ASB7: variants seen among roughly 807,000 people sequenced by gnomAD.
ASB7 encodes ankyrin repeat and SOCS box containing 7.
ASB7 carries 4 observed loss-of-function variants against 32.5 expected under a neutral mutation model. The ratio of observed to expected loss-of-function variants is 0.12; its 90% CI spans 0.06 to 0.28. The LOEUF is 0.28. Ranked by LOEUF, ASB7 falls within the 10% of genes least tolerant of loss-of-function variation. The pLI, the probability that ASB7 is intolerant of heterozygous loss-of-function variation, is 1.00. For missense variants in ASB7, 181 were observed against 407.1 expected (o/e 0.44, Z 4.78); for synonymous variants, 172 against 155.6 (o/e 1.11, Z -0.78).
At chr15:100,628,338 C>T (rs1227063360) in intron 4 of ASB7, among the ~76,000 whole-genome samples, 1 of 152,166 alleles carries the variant, frequency 6.6e-6, no homozygotes, top group African/African-American at 2.4e-5. Context: ...ACCTAAATAA[C>T]GTTTATTAAA....
intron 4 of ASB7, among the ~76,000 whole-genome samples, chr15:100,624,655 C>G (rs1438138028): frequency 1.3e-5 from 2 of 152,286 alleles, no homozygotes; most frequent in Non-Finnish European, 2.9e-5. Flanking sequence ...TAAAACTTTT[C>G]ACTGAGAAGA....
chr15:100,620,626 G>A (rs372111254), intron 4 of ASB7, among the ~76,000 whole-genome samples: 26 of 151,590 alleles, frequency 1.7e-4, no homozygotes, highest in Admixed American at 9.8e-4. Context: ...ATAATAGCAC[G>A]TCTGTACAAA....
At chr15:100,603,484 A>G (rs75730036) in intron 2 of ASB7, among the ~76,000 whole-genome samples, 171 bp downstream of exon 2, 3,237 of 145,338 alleles carry the variant, frequency 0.022, 71 homozygotes, top group Non-Finnish European at 0.029. Flanking sequence ...GATACTTAAC[A>G]TTTTATAACT....
chr15:100,634,887 A>G (rs1363086735), intron 5 of ASB7, among the ~76,000 whole-genome samples: 1 of 152,242 alleles, frequency 6.6e-6, no homozygotes. Context: ...TCAGTAACAC[A>G]GTCCAGTGGA....
intron 2 of ASB7, among the ~76,000 whole-genome samples, chr15:100,608,130 T>C (rs12914480): frequency 0.65 from 98,351 of 152,046 alleles, 32,297 homozygotes; most frequent in South Asian, 0.75. Context: ...GAAATGTAGA[T>C]GTAGCTCGTG....
In ASB7 at chr15:100,612,396, A is replaced by G. The variant is rs376567787; in HGVS notation, c.180A>G (p.Glu60=). 34 of 1,614,108 alleles carry G rather than the reference A, an allele frequency of 2.1e-5. No individual in the cohort carries two copies. The highest frequency in any genetic ancestry group is 1.4e-4 in the South Asian group (13 of 91,088). ...ATTTCTCTGCAGCAAGAGGAAAGGA[A>G]AGATGTGTTCGGGTTTTTCTAGAAC... The part of the protein sequence containing the change: ...LLHFSAARGK[E]RCVRVFLEHG... Residue 60 remains glutamate, a synonymous_variant, in exon 4 of 6, where the codon GAA becomes GAG. Coordinates refer to ENST00000332783, the MANE Select transcript of ASB7 (RefSeq NM_198243.3).
intron 2 of ASB7, among the ~76,000 whole-genome samples, chr15:100,607,740 G>A (rs1428220367): frequency 6.6e-6 from 1 of 152,180 alleles, no homozygotes; most frequent in African/African-American, 2.4e-5. Flanking sequence ...CCCTATCACT[G>A]TGCCACGTTA....
chr15:100,603,259 C>T lies in ASB7; in HGVS notation c.-228C>T, dbSNP rs974902627. The T allele has an allele frequency of 3.4e-5, 12 of 355,638 alleles. No individual in the cohort carries two copies. Among genetic ancestry groups the T allele is most frequent in the Non-Finnish European group, 5.5e-5 (11 of 199,882 alleles). The allele number at this position is 355,638 out of a possible 1,614,324, so 22.0% of individuals were successfully genotyped here. ...GACGCGAAAGCAGGAAGAGGTCTGC[C>T]CACCTATCAGAGAAGCAGAAGGCAC... is the stretch of plus-strand genomic sequence containing the variant. On this transcript the variant is annotated 5_prime_UTR_variant, in exon 2 of 6. Coordinates refer to ENST00000332783, the MANE Select transcript of ASB7 (RefSeq NM_198243.3).
At chr15:100,604,919 T>C (rs1270959575) in intron 2 of ASB7, among the ~76,000 whole-genome samples, 1 of 152,246 alleles carries the variant, frequency 6.6e-6, no homozygotes, top group Non-Finnish European at 1.5e-5. Context: ...AATGAAGTAC[T>C]GTGTTTTGTA....
At chr15:100,613,292 G>A (rs1200824787) in intron 4 of ASB7, among the ~76,000 whole-genome samples, 1 of 152,166 alleles carries the variant, frequency 6.6e-6, no homozygotes, top group Non-Finnish European at 1.5e-5. Flanking sequence ...AAACTTCCTT[G>A]CATTTTGAGG....
At chr15:100,644,745 T>C (rs1052495201) in intron 5 of ASB7, among the ~76,000 whole-genome samples, 1 of 152,226 alleles carries the variant, frequency 6.6e-6, no homozygotes, top group Non-Finnish European at 1.5e-5. Flanking sequence ...TGGTGAATCC[T>C]GACATAGTCT....
chr15:100,605,666 G>A (rs1024792324), intron 2 of ASB7, among the ~76,000 whole-genome samples: 1 of 152,154 alleles, frequency 6.6e-6, no homozygotes, highest in African/African-American at 2.4e-5. Context: ...TCCCCTGAAT[G>A]CCCTCCCTAC....
chr15:100,646,311 A>G (rs2039996663), intron 5 of ASB7: 4 of 386,282 alleles, frequency 1.0e-5, no homozygotes, highest in East Asian at 1.2e-4. Flanking sequence ...CATAAGAACC[A>G]GTCAAGATCC....
At chr15:100,646,692 T>G (rs1221274741) in intron 5 of ASB7, 1 of 185,456 alleles carries the variant, frequency 5.4e-6, no homozygotes. Flanking sequence ...CAGTTATGGG[T>G]TAGTAGGCTG....
intron 2 of ASB7, among the ~76,000 whole-genome samples, chr15:100,605,412 T>C (rs542776111): frequency 6.6e-6 from 1 of 152,340 alleles, no homozygotes; most frequent in East Asian, 1.9e-4. Context: ...GGGAGAATAA[T>C]TGATTTTAAT....
chr15:100,646,869 T>A (rs533104336), intron 5 of ASB7, among the ~76,000 whole-genome samples: 1 of 152,276 alleles, frequency 6.6e-6, no homozygotes, highest in South Asian at 2.1e-4. Flanking sequence ...TCTCATTCCT[T>A]TTATCATGAG....
At chr15:100,616,542 C>T (rs1004785388) in intron 4 of ASB7, among the ~76,000 whole-genome samples, 1 of 152,132 alleles carries the variant, frequency 6.6e-6, no homozygotes, top group Non-Finnish European at 1.5e-5. Flanking sequence ...TCACTTTTTT[C>T]CCATAAAGAC....
At chr15:100,643,097 T>C (rs1304274842) in intron 5 of ASB7, among the ~76,000 whole-genome samples, 2 of 152,098 alleles carry the variant, frequency 1.3e-5, no homozygotes, top group Non-Finnish European at 2.9e-5. Flanking sequence ...AAGTTGGTGC[T>C]GGCAGTTGGC....
chr15:100,632,291 G>A (rs1323194998), intron 5 of ASB7, among the ~76,000 whole-genome samples: 1 of 152,196 alleles, frequency 6.6e-6, no homozygotes, highest in Non-Finnish European at 1.5e-5. Flanking sequence ...GGAAGCACAG[G>A]CTGCTTTCCT....
Sources: gnomAD v4.1 joint callset for allele counts (sites outside exome capture counted in the v4.1 genomes callset) on GRCh38, gnomAD v4.1.1 for gene constraint, MANE v1.5 for transcripts, NCBI Gene and HGNC (gene_info 2026-07-23, HGNC 2026-07-21) for gene names.